Variants in NUP85 observed in about 807,000 individuals in gnomAD.
The protein encoded by NUP85 is nuclear pore complex protein Nup85.
Under a neutral mutation model 92.8 loss-of-function variants are expected in NUP85, and 23 were observed. The ratio of observed to expected loss-of-function variants is 0.25; its 90% CI spans 0.18 to 0.35. NUP85 has a LOEUF of 0.35. Ranked by LOEUF, NUP85 falls within the 10% of genes least tolerant of loss-of-function variation. The pLI is 1.00. For missense variants in NUP85, 759 were observed against 822.8 expected (o/e 0.92, Z 0.95); for synonymous variants, 314 against 306.9 (o/e 1.02, Z -0.24).
At chr17:75,215,258 G>C (rs1231390467) in intron 5 of NUP85, among the ~76,000 whole-genome samples, 2 of 152,168 alleles carry the variant, frequency 1.3e-5, no homozygotes, top group Non-Finnish European at 2.9e-5. Flanking sequence ...TCTTGCCCAG[G>C]CTGGAATAGT....
rs759015098 is a variant in NUP85 at position 75,212,085 on chromosome 17, CGCGTGT to C, written c.361+25_361+30del. ...CAAGTAAGGACTGTGTGCGCGTGCG[CGCGTGT>C]GTGTGTGTGTGTGTGTGTGGGTATT... On this transcript the variant is annotated intron_variant, in intron 4 of 18. Transcript: ENST00000245544. 715 of 1,397,648 alleles carry C rather than the reference CGCGTGT, an allele frequency of 5.1e-4. 6 individuals are homozygous for C. Among genetic ancestry groups the C allele is most frequent in the Non-Finnish European group, 5.8e-4 (609 of 1,050,602 alleles). The allele number at this position is 1,397,648 out of a possible 1,614,324, so 86.6% of individuals were successfully genotyped here. A position where few individuals can be genotyped will look rare whatever the true frequency, so the allele number is the denominator to read the frequency against.
chr17:75,224,366 G>A (rs1272307288), intron 7 of NUP85, among the ~76,000 whole-genome samples: 2 of 151,842 alleles, frequency 1.3e-5, no homozygotes, highest in African/African-American at 4.8e-5. Context: ...GTTTTAATCT[G>A]AATCCACTGG....
chr17:75,231,014 C>G lies in NUP85; in HGVS notation c.1095-326C>G. On this transcript the variant is annotated intron_variant, in intron 11 of 18. Coordinates refer to ENST00000245544, the MANE Select transcript of NUP85 (RefSeq NM_024844.5). This position sits in a 1 kb window ranked among gnomAD's most constrained non-coding sequence, Gnocchi z 4.6. ...TGGCGTGATCTCGGCCGATTGCAGC[C>G]TCTGCTTCCCAGGCTCAAGCAATAC... is the stretch of plus-strand genomic sequence containing the variant. The G allele has an allele frequency of 3.4e-6, 1 of 291,802 alleles. No homozygotes were observed. The highest frequency in any genetic ancestry group is 3.6e-5 in the South Asian group (1 of 28,044). The allele number at this position is 291,802 out of a possible 1,614,324, so 18.1% of individuals were successfully genotyped here. A position where few individuals can be genotyped will look rare whatever the true frequency, so the allele number is the denominator to read the frequency against.
At chr17:75,220,394 A>T (rs535070306) in intron 7 of NUP85, among the ~76,000 whole-genome samples, 1 of 149,664 alleles carries the variant, frequency 6.7e-6, no homozygotes, top group South Asian at 2.1e-4. Context: ...AAGTGCTGGG[A>T]TTACCAGCAT....
At chr17:75,211,638 C>T (rs113889374) in intron 3 of NUP85, among the ~76,000 whole-genome samples, 9,140 of 152,080 alleles carry the variant, frequency 0.06, 725 homozygotes, top group African/African-American at 0.17. Flanking sequence ...CTCAGGTGAT[C>T]TGCCCACTTT....
chr17:75,234,081 T>G (rs1334337805), intron 16 of NUP85, among the ~76,000 whole-genome samples: 1 of 142,514 alleles, frequency 7.0e-6, no homozygotes, highest in Non-Finnish European at 1.5e-5. Flanking sequence ...AGACGGAGTC[T>G]CACTCTGTCG....
intron 6 of NUP85, 85 bp downstream of exon 6, chr17:75,215,908 G>C (rs2075417108): frequency 6.8e-6 from 8 of 1,179,574 alleles, no homozygotes; most frequent in Middle Eastern, 4.6e-4. Context: ...GCATGGTGAT[G>C]AGTGTTTTAT....
intron 7 of NUP85, among the ~76,000 whole-genome samples, chr17:75,224,604 G>A (rs1460687419): frequency 6.6e-6 from 1 of 151,992 alleles, no homozygotes; most frequent in East Asian, 2.0e-4. Flanking sequence ...AGGCCGAGGC[G>A]GGGAATCACT....
At chr17:75,215,912 G>C in intron 6 of NUP85, 89 bp downstream of exon 6, 2 of 1,127,664 alleles carry the variant, frequency 1.8e-6, no homozygotes, top group Non-Finnish European at 2.7e-6. Context: ...GGTGATGAGT[G>C]TTTTATTCCT....
Position 75,231,994 on chromosome 17 carries a change from C to T in NUP85, c.1396+15C>T. On this transcript the variant is annotated intron_variant, in intron 14 of 18. Coordinates refer to ENST00000245544, the MANE Select transcript of NUP85 (RefSeq NM_024844.5). This position sits in a 1 kb window ranked among gnomAD's most constrained non-coding sequence, Gnocchi z 4.6. Reference sequence around the variant, plus strand: ...GACTGAACAAGGTGAGCTGGCCCTGCTCCCAGCCTACTGTCTGTGGGACGC... The same window carrying T: ...GACTGAACAAGGTGAGCTGGCCCTGTTCCCAGCCTACTGTCTGTGGGACGC... 2 of 1,613,754 alleles carry T rather than the reference C, an allele frequency of 1.2e-6. No homozygotes were observed. Among genetic ancestry groups the T allele is most frequent in the Non-Finnish European group, 8.5e-7 (1 of 1,179,918 alleles).
chr17:75,228,206 G>A, intron 11 of NUP85: 9 of 985,360 alleles, frequency 9.1e-6, no homozygotes, highest in African/African-American at 1.7e-5. Context: ...GTTGGATGCA[G>A]GGAGTATAAA....
chr17:75,225,584 T>C, intron 9 of NUP85, 114 bp from the exon 10 acceptor site: 1 of 1,571,330 alleles, frequency 6.4e-7, no homozygotes, highest in South Asian at 1.2e-5. Context: ...TCTGCCGTGA[T>C]GGCGAGAGCT....
In NUP85 at chr17:75,212,008, A is replaced by G; in HGVS notation, c.307A>G (p.Lys103Glu). 6.2e-7 allele frequency: 1 copy of G among 1,613,450 alleles called. No individual in the cohort carries two copies. Residue 103 changes from lysine (K) to glutamate (E), a missense_variant, in exon 4 of 19, where the codon AAA (lysine) becomes GAA (glutamate). Coordinates refer to ENST00000245544, the MANE Select transcript of NUP85 (RefSeq NM_024844.5). The part of the protein sequence containing the change: ...SRKSQLVRVS[K>E]NYRSVIRACM... ...TTTTTGTAGATTGGTTCGAGTGAGT[A>G]AAAACTACCGATCAGTCATCAGAGC... is the stretch of plus-strand genomic sequence containing the variant.
Position 75,231,751 on chromosome 17 carries a change from G to T in NUP85, c.1245-77G>T. 1 of 1,607,508 alleles carries T rather than the reference G, an allele frequency of 6.2e-7. No homozygotes were observed. ...CTCCTTGAAGGCTTCGGAAGGGTCAGTGAAAGGGAGCTGTAGGTGCCAGTC... is the reference window on the plus strand; with the variant it reads ...CTCCTTGAAGGCTTCGGAAGGGTCATTGAAAGGGAGCTGTAGGTGCCAGTC... On this transcript the variant is annotated intron_variant, in intron 13 of 18. Coordinates refer to ENST00000245544, the MANE Select transcript of NUP85 (RefSeq NM_024844.5). This position sits in a 1 kb window ranked among gnomAD's most constrained non-coding sequence, Gnocchi z 4.6.
chr17:75,229,425 C>G (rs920228295), intron 11 of NUP85, among the ~76,000 whole-genome samples: 6 of 152,186 alleles, frequency 3.9e-5, no homozygotes, highest in Admixed American at 3.9e-4. Flanking sequence ...TTCACCGTAG[C>G]TGGTCTTCCC....
chr17:75,211,057 C>T (rs1354327239), intron 3 of NUP85, among the ~76,000 whole-genome samples: 2 of 134,922 alleles, frequency 1.5e-5, no homozygotes, highest in African/African-American at 2.8e-5. Context: ...GGCTGGAGTG[C>T]AGTGGCGCAA....
chr17:75,208,753 G>C (rs1254609891), intron 2 of NUP85, 133 bp downstream of exon 2: 9 of 689,836 alleles, frequency 1.3e-5, no homozygotes, highest in African/African-American at 9.1e-5. Flanking sequence ...TCTCTATTTT[G>C]TTTTCAAGAT....
intron 7 of NUP85, among the ~76,000 whole-genome samples, chr17:75,224,110 A>G (rs925384431): frequency 6.6e-6 from 1 of 152,078 alleles, no homozygotes; most frequent in African/African-American, 2.4e-5. Context: ...CAGTGGCACA[A>G]TCTCAGCTCA....
chr17:75,207,021 T>TA (rs2075105619), intron 1 of NUP85, among the ~76,000 whole-genome samples: 2 of 151,990 alleles, frequency 1.3e-5, no homozygotes, highest in Admixed American at 1.3e-4. Flanking sequence ...TCTGGTCTTT[T>TA]ACTTGTGAAG....
Sources: allele counts gnomAD v4.1 joint callset (sites outside exome capture counted in the v4.1 genomes callset), GRCh38; gene constraint gnomAD v4.1.1; non-coding constraint Gnocchi (gnomAD v3.1); transcripts MANE v1.5; gene names NCBI Gene and HGNC (gene_info 2026-07-23, HGNC 2026-07-21).